The following TPST2 variants were observed in gnomAD, a reference collection of about 807,000 sequenced individuals.
TPST2 encodes tyrosylprotein sulfotransferase 2.
TPST2 carries 16 observed loss-of-function variants against 27.8 expected under a neutral mutation model. That is an observed-to-expected ratio of 0.58 (90% CI 0.39 to 0.88). TPST2 has a LOEUF of 0.88. TPST2 is among the 40% of genes least tolerant of loss of function. The probability of loss-of-function intolerance (pLI) is 0.00; values close to 1 mark genes in which losing one functional copy is unlikely to be tolerated. For missense variants in TPST2, 464 were observed against 543.1 expected, an observed-to-expected ratio of 0.85 and a Z score of 1.45; for synonymous variants, 229 against 231.7, an observed-to-expected ratio of 0.99 and a Z score of 0.10.
chr22:26,556,766 G>A lies in TPST2; in HGVS notation c.-160-12091C>T, dbSNP rs373059812. ...ACAAAATCTATGGCTGTTAGGGCCAGGGAGCCATGGTCCTGCCTCAGGAGT... is the reference window on the plus strand; with the variant it reads ...ACAAAATCTATGGCTGTTAGGGCCAAGGAGCCATGGTCCTGCCTCAGGAGT... On this transcript the variant is annotated intron_variant, in intron 1 of 6. Coordinates refer to ENST00000338754, the MANE Select transcript of TPST2 (RefSeq NM_003595.5). 1.2e-4 allele frequency among the ~76,000 whole-genome samples: 18 copies of A among 152,310 alleles called. No homozygotes were observed. In the South Asian group the frequency reaches 3.5e-3, roughly 30 times the overall value.
At chr22:26,580,397 C>G (rs912179193) in intron 1 of TPST2, among the ~76,000 whole-genome samples, 15 of 152,180 alleles carry the variant, frequency 9.9e-5, no homozygotes, top group Admixed American at 9.8e-4. Flanking sequence ...GCCCTTCAGT[C>G]AAGGCCCCTG....
At chr22:26,550,828 G>A (rs534991384) in intron 1 of TPST2, among the ~76,000 whole-genome samples, 7 of 152,318 alleles carry the variant, frequency 4.6e-5, no homozygotes, top group African/African-American at 1.2e-4. Context: ...GACCTATTGC[G>A]GGGGGAAGCC....
In TPST2 at chr22:26,536,461, T is replaced by C. The variant is rs375631804; in HGVS notation, c.868A>G (p.Ile290Val). 4 of 1,546,740 alleles carry C rather than the reference T, an allele frequency of 2.6e-6. No homozygotes were observed. Among genetic ancestry groups the C allele is most frequent in the Admixed American group, 1.9e-5 (1 of 51,500 alleles). Reference sequence around the variant, plus strand: ...AGCGCTTCCAGGTTAACAGGCTTGATGACCTGGTCCGTGGACCGCTCGATC... The same window carrying C: ...AGCGCTTCCAGGTTAACAGGCTTGACGACCTGGTCCGTGGACCGCTCGATC... ...SKIERSTDQV[I>V]KPVNLEALSK... Residue 290 changes from isoleucine (I) to valine (V), a missense_variant, in exon 4 of 7, where the codon ATC (isoleucine) becomes GTC (valine). By Grantham distance (29) the Ile-to-Val change is conservative (BLOSUM62 3). Transcript: ENST00000338754.
chr22:26,569,866 T>TGGA (rs1927531600), intron 1 of TPST2, among the ~76,000 whole-genome samples: 2 of 144,842 alleles, frequency 1.4e-5, no homozygotes, highest in African/African-American at 2.6e-5. Flanking sequence ...CAGGGAGAAC[T>TGGA]GCTTGAACCT....
chr22:26,581,095 C>A (rs1928093264), intron 1 of TPST2, among the ~76,000 whole-genome samples: 1 of 151,640 alleles, frequency 6.6e-6, no homozygotes. Flanking sequence ...CTGAACTCTA[C>A]CAAACATACC....
rs200144061 is a variant in TPST2 at position 26,524,357 on chromosome 22, A to AATT, written c.*1917_*1918insAAT. On this transcript the variant is annotated 3_prime_UTR_variant, in exon 7 of 7. Coordinates refer to ENST00000338754, the MANE Select transcript of TPST2 (RefSeq NM_003595.5). ...ACCTCGTCTCTACAGAAAAAAAAAA[A>AATT]TTTAAAAAGTAGCCAGGTGTGGTGG... 2.1e-4 allele frequency: 32 copies of AATT among 151,990 alleles called. No individual in the cohort carries two copies. The highest frequency in any genetic ancestry group is 2.0e-4 in the Admixed American group (3 of 15,260). 9.4% of individuals were successfully genotyped at this position (151,990 alleles called of 1,614,324 possible).
chr22:26,574,669 A>G (rs1316837738), intron 1 of TPST2, among the ~76,000 whole-genome samples: 5 of 152,160 alleles, frequency 3.3e-5, no homozygotes, highest in African/African-American at 1.2e-4. Flanking sequence ...TCCTAAGTAG[A>G]GAGGGTCTCA....
intron 5 of TPST2, 77 bp from the exon 6 acceptor site, chr22:26,528,339 AGC>A: frequency 1.4e-6 from 2 of 1,479,262 alleles, no homozygotes; most frequent in Non-Finnish European, 1.8e-6. Context: ...GTCACCCCTC[AGC>A]ATCACTGAGT....
intron 1 of TPST2, among the ~76,000 whole-genome samples, chr22:26,569,814 G>A (rs1927528887): frequency 6.6e-6 from 1 of 151,312 alleles, no homozygotes; most frequent in Non-Finnish European, 1.5e-5. Context: ...AGCCGGGCGT[G>A]GTCGCAGGCA....
chr22:26,560,764 C>G, intron 1 of TPST2: 5 of 1,203,204 alleles, frequency 4.2e-6, no homozygotes, highest in Non-Finnish European at 6.2e-6. Flanking sequence ...ACCTATATCC[C>G]TCCCAAAGGG....
chr22:26,563,860 G>A (rs2283831), intron 1 of TPST2, among the ~76,000 whole-genome samples: 39,405 of 152,084 alleles, frequency 0.26, 5,209 homozygotes, highest in African/African-American at 0.27. Flanking sequence ...GCCTTAGAAG[G>A]TACTTAACCG....
intron 1 of TPST2, among the ~76,000 whole-genome samples, chr22:26,571,788 A>T (rs1927636569): frequency 6.6e-6 from 1 of 152,160 alleles, no homozygotes. Flanking sequence ...GAAACCCAAG[A>T]TCATGAACCT....
intron 1 of TPST2, among the ~76,000 whole-genome samples, chr22:26,586,663 CT>C (rs59270110): frequency 0.19 from 28,763 of 152,184 alleles, 2,815 homozygotes; most frequent in Middle Eastern, 0.21. Context: ...GAGGCGTGGT[CT>C]TAACACCATT....
intron 1 of TPST2, among the ~76,000 whole-genome samples, chr22:26,567,503 C>T (rs1437722710): frequency 3.3e-5 from 5 of 152,220 alleles, no homozygotes; most frequent in African/African-American, 1.2e-4. Flanking sequence ...TCCATCTATA[C>T]ACCAGTCAAT....
chr22:26,526,880 C>T (rs1924872541), intron 6 of TPST2, among the ~76,000 whole-genome samples: 1 of 152,118 alleles, frequency 6.6e-6, no homozygotes, highest in South Asian at 2.1e-4. Flanking sequence ...GAGTTTGAGA[C>T]CAGCCTGGCC....
chr22:26,533,595 T>C (rs1185371702), intron 4 of TPST2, among the ~76,000 whole-genome samples: 1 of 152,154 alleles, frequency 6.6e-6, no homozygotes, highest in East Asian at 1.9e-4. Flanking sequence ...GCCTTTCCGC[T>C]AGTAGTCACA....
At chr22:26,555,613 C>A (rs955775888) in intron 1 of TPST2, among the ~76,000 whole-genome samples, 1 of 152,248 alleles carries the variant, frequency 6.6e-6, no homozygotes, top group South Asian at 2.1e-4. Flanking sequence ...CACAGTCCTG[C>A]CCATAATGAG....
chr22:26,543,238 TG>T (rs1925957122), intron 2 of TPST2: 1 of 152,202 alleles, frequency 6.6e-6, no homozygotes, highest in Non-Finnish European at 1.5e-5. Context: ...GAAGTTCTGC[TG>T]AAGAGGTTGG....
intron 3 of TPST2, among the ~76,000 whole-genome samples, chr22:26,539,910 A>G (rs1038524073): frequency 6.6e-6 from 1 of 152,178 alleles, no homozygotes. Context: ...TAAAATGTGG[A>G]TAAGAGGTGT....
Sources: allele counts gnomAD v4.1 joint callset (sites outside exome capture counted in the v4.1 genomes callset), GRCh38; gene constraint gnomAD v4.1.1; transcripts MANE v1.5; gene names NCBI Gene and HGNC (gene_info 2026-07-23, HGNC 2026-07-21).